Variants in ADGRL3 observed in about 807,000 individuals in gnomAD.
The protein encoded by ADGRL3 is calcium-independent alpha-latrotoxin receptor 3.
ADGRL3 carries 62 observed loss-of-function variants against 153.5 expected under a neutral mutation model. The ratio of observed to expected loss-of-function variants is 0.40; its 90% CI spans 0.33 to 0.50. The LOEUF (loss-of-function observed/expected upper bound fraction) is 0.50. Ranked by LOEUF, ADGRL3 falls within the 20% of genes least tolerant of loss-of-function variation. ADGRL3 has a pLI of 0.47. For missense variants in ADGRL3, 1,641 were observed against 1,859.4 expected (o/e 0.88, Z 2.16); for synonymous variants, 710 against 672.5 (o/e 1.06, Z -0.86).
At chr4:61,865,933 A>G (rs2098395691) in intron 9 of ADGRL3, among the ~76,000 whole-genome samples, 1 of 152,206 alleles carries the variant, frequency 6.6e-6, no homozygotes, top group African/African-American at 2.4e-5. Flanking sequence ...AGTATAAGTG[A>G]TTTCATGGGA....
chr4:62,063,463 CCTT>C, intron 25 of ADGRL3: 1 of 626,636 alleles, frequency 1.6e-6, no homozygotes, highest in Non-Finnish European at 2.9e-6. Flanking sequence ...GCCTGATTGA[CCTT>C]TTTTTTTTTT....
In ADGRL3 at chr4:61,587,438, A is replaced by G. The variant is rs2098950691; in HGVS notation, c.471A>G (p.Gln157=). The change falls in exon 5 of 27, where the codon CAA becomes CAG. Residue 157 remains glutamine, a splice_region_variant and synonymous_variant. Transcript: ENST00000683033. ...YLPDAYKIMS[Q]RCNNRTQCAV... is the part of the protein sequence containing the mutation. ...CAGATGCCTATAAGATTATGTCTCAAAGGTATGATACTTCTAATATTCTTT... is the reference window on the plus strand; with the variant it reads ...CAGATGCCTATAAGATTATGTCTCAGAGGTATGATACTTCTAATATTCTTT... The G allele has an allele frequency of 6.2e-6, 10 of 1,600,048 alleles. No individual in the cohort carries two copies. Among genetic ancestry groups the G allele is most frequent in the African/African-American group, 1.3e-5 (1 of 74,718 alleles).
chr4:61,361,923 G>A lies in ADGRL3; in HGVS notation c.-239-21201G>A, dbSNP rs575368777. Among the ~76,000 whole-genome samples the A allele has an allele frequency of 1.4e-3, 212 of 148,864 alleles. 1 individual carries two copies. The highest frequency in any genetic ancestry group is 2.6e-3 in the Non-Finnish European group (173 of 67,086). ...AGAAACAAAGAAGATAAGAAATTAT[G>A]AACTGTAGTATAACAGTTCTCTGAG... On this transcript the variant is annotated intron_variant, in intron 1 of 26. Coordinates refer to ENST00000683033, the MANE Select transcript of ADGRL3 (RefSeq NM_001387552.1).
intron 6 of ADGRL3, among the ~76,000 whole-genome samples, chr4:61,698,743 T>C (rs1373742170): frequency 6.6e-6 from 1 of 152,214 alleles, no homozygotes; most frequent in Admixed American, 6.5e-5. Flanking sequence ...TCATGGTGTG[T>C]TGCAACCTTT....
At chr4:62,060,611 G>T (rs1188784200) in intron 25 of ADGRL3, among the ~76,000 whole-genome samples, 1 of 151,842 alleles carries the variant, frequency 6.6e-6, no homozygotes, top group Non-Finnish European at 1.5e-5. Flanking sequence ...AAGATGGGAA[G>T]TACAATTTAC....
In ADGRL3 at chr4:61,909,889, G is replaced by A; in HGVS notation, c.2073+144G>A. 4 of 533,552 alleles carry A rather than the reference G, an allele frequency of 7.5e-6. No homozygotes were observed. In the South Asian group the frequency reaches 1.2e-4, roughly 16 times the overall value. 33.1% of individuals were successfully genotyped at this position (533,552 alleles called of 1,614,324 possible). On this transcript the variant is annotated intron_variant, in intron 12 of 26. Coordinates refer to ENST00000683033, the MANE Select transcript of ADGRL3 (RefSeq NM_001387552.1). Reference sequence around the variant, plus strand: ...ATGATCATTATAAAGAGAATCAACAGTTATTTTCAATTCCTTTGTTATTAT... The same window carrying A: ...ATGATCATTATAAAGAGAATCAACAATTATTTTCAATTCCTTTGTTATTAT...
rs1014480738 is a variant in ADGRL3 at position 62,072,726 on chromosome 4, TAA to T, written c.*1820_*1821del. ...ATATATGTTACTATTTGCTTATCTA[TAA>T]ACCAGCTGCAGTCACTATGCTTACC... On this transcript the variant is annotated 3_prime_UTR_variant, in exon 27 of 27. Transcript: ENST00000683033. 1 of 152,146 alleles carries T rather than the reference TAA, an allele frequency of 6.6e-6. No homozygotes were observed. Among genetic ancestry groups the T allele is most frequent in the African/African-American group, 2.4e-5 (1 of 41,446 alleles). 9.4% of individuals were successfully genotyped at this position (152,146 alleles called of 1,614,324 possible). A position where few individuals can be genotyped will look rare whatever the true frequency, so the allele number is the denominator to read the frequency against.
At chr4:61,754,685 T>C (rs1290672384) in intron 8 of ADGRL3, among the ~76,000 whole-genome samples, 6 of 152,080 alleles carry the variant, frequency 3.9e-5, no homozygotes, top group Non-Finnish European at 7.4e-5. Flanking sequence ...TAGTTACATA[T>C]GTATACATGT....
intron 17 of ADGRL3, among the ~76,000 whole-genome samples, chr4:61,975,179 A>G (rs2150735220): frequency 6.6e-6 from 1 of 152,282 alleles, no homozygotes; most frequent in East Asian, 1.9e-4. Context: ...ATAAGGAGTA[A>G]GGGGAAAATA....
At chr4:61,625,776 C>T (rs73822699) in intron 5 of ADGRL3, among the ~76,000 whole-genome samples, 3 of 152,018 alleles carry the variant, frequency 2.0e-5, no homozygotes, top group Non-Finnish European at 2.9e-5. Flanking sequence ...ACAGAGACAA[C>T]TAAGCTTCTT....
Position 62,071,782 on chromosome 4 carries a change from G to T in ADGRL3, c.*874G>T. 1 of 382,844 alleles carries T rather than the reference G, an allele frequency of 2.6e-6. No individual in the cohort carries two copies. Among genetic ancestry groups the T allele is most frequent in the Non-Finnish European group, 5.0e-6 (1 of 199,418 alleles). 23.7% of individuals were successfully genotyped at this position (382,844 alleles called of 1,614,324 possible). A position where few individuals can be genotyped will look rare whatever the true frequency, so the allele number is the denominator to read the frequency against. On this transcript the variant is annotated 3_prime_UTR_variant, in exon 27 of 27. Coordinates refer to ENST00000683033, the MANE Select transcript of ADGRL3 (RefSeq NM_001387552.1). ...CTTTTATTCCTTTAAAATTTCGCCT[G>T]GCAAAAAATAAATAAATGGAACTAT...
intron 1 of ADGRL3, among the ~76,000 whole-genome samples, chr4:61,307,801 C>A (rs2094848264): frequency 6.6e-6 from 1 of 152,152 alleles, no homozygotes; most frequent in African/African-American, 2.4e-5. Context: ...GTAATCCAGT[C>A]ATTGGATAAT....
intron 1 of ADGRL3, among the ~76,000 whole-genome samples, chr4:61,283,624 T>G (rs1486297250): frequency 6.6e-6 from 1 of 151,988 alleles, no homozygotes; most frequent in African/African-American, 2.4e-5. Context: ...GATTGTTTCT[T>G]CAGTTCTCCA....
At chr4:61,588,953 G>A (rs751345348) in intron 5 of ADGRL3, among the ~76,000 whole-genome samples, 3 of 152,034 alleles carry the variant, frequency 2.0e-5, no homozygotes, top group Non-Finnish European at 4.4e-5. Context: ...CACTTAAAAT[G>A]TAATAGAAGC....
intron 4 of ADGRL3, among the ~76,000 whole-genome samples, chr4:61,556,505 T>C (rs1399645386): frequency 6.6e-6 from 1 of 151,864 alleles, no homozygotes; most frequent in Non-Finnish European, 1.5e-5. Flanking sequence ...TGAGAGGGCT[T>C]TGAACATAGC....
chr4:61,343,202 A>G (rs2095840818), intron 1 of ADGRL3, among the ~76,000 whole-genome samples: 1 of 152,214 alleles, frequency 6.6e-6, no homozygotes, highest in Admixed American at 6.5e-5. Context: ...CAGCCAAACC[A>G]TATTAATCCT....
intron 1 of ADGRL3, among the ~76,000 whole-genome samples, chr4:61,328,190 T>C (rs1234431621): frequency 2.0e-5 from 3 of 152,192 alleles, no homozygotes; most frequent in Non-Finnish European, 4.4e-5. Context: ...CTGTGCCTAG[T>C]AAATTAAATC....
chr4:61,707,486 A>G (rs2095875762), intron 6 of ADGRL3, among the ~76,000 whole-genome samples: 1 of 152,230 alleles, frequency 6.6e-6, no homozygotes, highest in African/African-American at 2.4e-5. Flanking sequence ...ATTTTTAAAA[A>G]TAAATAACAA....
At chr4:61,396,889 G>C (rs976117246) in intron 2 of ADGRL3, among the ~76,000 whole-genome samples, 1 of 151,420 alleles carries the variant, frequency 6.6e-6, no homozygotes, top group Non-Finnish European at 1.5e-5. Flanking sequence ...TATGTTCCAG[G>C]CAATATGAAA....
Sources: gnomAD v4.1 joint callset for allele counts (sites outside exome capture counted in the v4.1 genomes callset) on GRCh38, gnomAD v4.1.1 for gene constraint, MANE v1.5 for transcripts, NCBI Gene and HGNC (gene_info 2026-07-23, HGNC 2026-07-21) for gene names.